The following PRPS2 variants were observed in gnomAD, a reference collection of about 807,000 sequenced individuals.
PRPS2 encodes phosphoribosyl pyrophosphate synthetase 2.
For synonymous variants in PRPS2, 111 were observed against 115.3 expected (o/e 0.96, Z 0.24); for missense variants, 104 against 271.5 (o/e 0.38, Z 4.34).
rs72506508 is a variant in PRPS2, at chrX:12,801,221, C to CGTGTGT, written c.306+1858_306+1863dup. On this transcript the variant is annotated intron_variant, in intron 2 of 6. Transcript: ENST00000380668. ...AGACCATTGATAGATTGCGTGCGCA[C>CGTGTGT]GTGTGTGTGTGTGTGTGTGTGTGTG... Among the ~76,000 whole-genome samples the CGTGTGT allele has an allele frequency of 9.5e-3, 886 of 93,320 alleles. 11 individuals are homozygous for CGTGTGT. Among genetic ancestry groups the CGTGTGT allele is most frequent in the East Asian group, 0.03 (82 of 2,749 alleles). The allele number at this position is 93,320 out of a possible 115,157, so 81.0% of individuals were successfully genotyped here.
At chrX:12,805,671 C>T (rs2042589837) in intron 2 of PRPS2, among the ~76,000 whole-genome samples, 1 of 112,360 alleles carries the variant, frequency 8.9e-6, no homozygotes. Context: ...TGTTAACTCA[C>T]AGGTTATGCA....
chrX:12,805,236 G>A (rs1453114738), intron 2 of PRPS2, among the ~76,000 whole-genome samples: 13 of 112,410 alleles, frequency 1.2e-4, no homozygotes, highest in Non-Finnish European at 2.4e-4. Flanking sequence ...TCTGAGCTCT[G>A]GCACTGAGAA....
intron 2 of PRPS2, among the ~76,000 whole-genome samples, chrX:12,806,572 C>T (rs1277288465): frequency 2.7e-5 from 3 of 112,197 alleles, no homozygotes; most frequent in Non-Finnish European, 5.6e-5. Flanking sequence ...TGGGTATGAG[C>T]CAAACTCTGA....
chrX:12,812,646 C>A (rs1447420658), intron 4 of PRPS2, among the ~76,000 whole-genome samples: 1 of 111,602 alleles, frequency 9.0e-6, no homozygotes, highest in South Asian at 3.8e-4. Context: ...AAAGAAAATA[C>A]CAAAAAACTC....
chrX:12,819,765 C>A, intron 5 of PRPS2, 85 bp downstream of exon 5: 1 of 1,052,773 alleles, frequency 9.5e-7, no homozygotes, highest in Non-Finnish European at 1.3e-6. Flanking sequence ...CTCTTTTTTC[C>A]TGATTATTGC....
At chrX:12,811,884 G>A (rs983475228) in intron 4 of PRPS2, among the ~76,000 whole-genome samples, 5 of 112,362 alleles carry the variant, frequency 4.4e-5, no homozygotes, top group South Asian at 3.7e-4. Flanking sequence ...GAGAAGGAAC[G>A]GACCATGCAG....
intron 2 of PRPS2, among the ~76,000 whole-genome samples, chrX:12,802,843 T>C (rs904248926): frequency 2.7e-5 from 3 of 112,628 alleles, no homozygotes; most frequent in African/African-American, 9.7e-5. Flanking sequence ...AGTCAGACAA[T>C]TCCATGACTT....
Position 12,808,675 on chromosome X carries a change from A to G in PRPS2, c.307-559A>G, listed in dbSNP as rs2042607067. Reference sequence around the variant, plus strand: ...AGTGTTAGCGTCCAACTGTCAGCTCATGTCCAAATGTCGGCTCATGAATTC... The same window carrying G: ...AGTGTTAGCGTCCAACTGTCAGCTCGTGTCCAAATGTCGGCTCATGAATTC... On this transcript the variant is annotated intron_variant, in intron 2 of 6. Transcript: ENST00000380668. Among the ~76,000 whole-genome samples, 3 of 112,228 alleles carry G rather than the reference A, an allele frequency of 2.7e-5. No individual in the cohort carries two copies. The Admixed American group carries it at 2.8e-4, about 11-fold the overall frequency.
At position 12,823,083 on chromosome X, in the gene PRPS2, T is replaced by A. The variant is rs2042683818; in HGVS notation, c.*287T>A. On this transcript the variant is annotated 3_prime_UTR_variant, in exon 7 of 7. Transcript: ENST00000380668. Reference sequence around the variant, plus strand: ...AGGTACAGGTGATCTCTTCCTTTGTTCTTTCAGTACTTTGAGGCGACAACT... The same window carrying A: ...AGGTACAGGTGATCTCTTCCTTTGTACTTTCAGTACTTTGAGGCGACAACT... The A allele has an allele frequency of 3.9e-6, 1 of 253,351 alleles. No individual in the cohort carries two copies. The highest frequency in any genetic ancestry group is 9.8e-5 in the South Asian group (1 of 10,242). The allele number at this position is 253,351 out of a possible 1,213,427, so 20.9% of individuals were successfully genotyped here.
intron 2 of PRPS2, among the ~76,000 whole-genome samples, chrX:12,805,173 T>C (rs982883584): frequency 1.8e-4 from 20 of 112,256 alleles, no homozygotes; most frequent in Non-Finnish European, 1.5e-4. Context: ...AATGTTAACA[T>C]AGAAAAATAA....
chrX:12,811,352 C>T (rs141086757), intron 4 of PRPS2, among the ~76,000 whole-genome samples: 1,672 of 111,911 alleles, frequency 0.015, 18 homozygotes, highest in African/African-American at 0.035. Context: ...CTAAGTAGCA[C>T]CTCTGAAGGG....
chrX:12,802,223 G>A (rs2042573862), intron 2 of PRPS2, among the ~76,000 whole-genome samples: 1 of 112,037 alleles, frequency 8.9e-6, no homozygotes, highest in African/African-American at 3.2e-5. Context: ...TATTGTAGGA[G>A]GTGTGATGCA....
At chrX:12,821,688 A>G (rs1291859951) in intron 6 of PRPS2, among the ~76,000 whole-genome samples, 2 of 111,348 alleles carry the variant, frequency 1.8e-5, no homozygotes, top group African/African-American at 6.6e-5. Flanking sequence ...ATAAATAGAT[A>G]GATACATAGA....
At chrX:12,813,838 T>G (rs2042635058) in intron 4 of PRPS2, among the ~76,000 whole-genome samples, 1 of 112,130 alleles carries the variant, frequency 8.9e-6, no homozygotes, top group Non-Finnish European at 1.9e-5. Context: ...TTTTCATTTC[T>G]TCTCCTATTT....
intron 2 of PRPS2, among the ~76,000 whole-genome samples, chrX:12,802,641 C>T (rs1431586069): frequency 8.9e-6 from 1 of 112,447 alleles, no homozygotes; most frequent in East Asian, 2.8e-4. Context: ...GCCCAGCCGG[C>T]TTTAACTGTT....
rs1242241806 is a variant in PRPS2 at position 12,791,426 on chromosome X, C to T, written c.-72C>T. On this transcript the variant is annotated 5_prime_UTR_variant, in exon 1 of 7. Coordinates refer to ENST00000380668, the MANE Select transcript of PRPS2 (RefSeq NM_002765.5). ...TTCCCGCTCCCGCAGCAGCAGCCTC[C>T]CGCGTCGCTGTCGCTGTTGCCTCCG... 6.2e-6 allele frequency: 7 copies of T among 1,135,889 alleles called. No individual in the cohort carries two copies. The highest frequency in any genetic ancestry group is 7.1e-6 in the Non-Finnish European group (6 of 851,019). The allele number at this position is 1,135,889 out of a possible 1,213,427, so 93.6% of individuals were successfully genotyped here.
chrX:12,810,750 C>G (rs1235006307), intron 4 of PRPS2, among the ~76,000 whole-genome samples: 1 of 109,221 alleles, frequency 9.2e-6, no homozygotes. Context: ...CTTGGGAAGC[C>G]GAGGCGGGAG....
chrX:12,801,764 A>T (rs1286655854), intron 2 of PRPS2, among the ~76,000 whole-genome samples: 2 of 111,973 alleles, frequency 1.8e-5, no homozygotes, highest in Non-Finnish European at 3.8e-5. Context: ...GTGCACCACC[A>T]CGCCTGGCTA....
intron 4 of PRPS2, among the ~76,000 whole-genome samples, chrX:12,811,575 C>G (rs2042624264): frequency 9.0e-6 from 1 of 111,490 alleles, no homozygotes; most frequent in Non-Finnish European, 1.9e-5. Flanking sequence ...GGAGAGACTT[C>G]TACCCCCCAG....
Sources: allele counts gnomAD v4.1 joint callset (sites outside exome capture counted in the v4.1 genomes callset), GRCh38; gene constraint gnomAD v4.1.1; transcripts MANE v1.5; gene names NCBI Gene and HGNC (gene_info 2026-07-23, HGNC 2026-07-21).